The following DPP10 variants were observed in gnomAD, a reference collection of about 807,000 sequenced individuals.
DPP10 encodes dipeptidyl peptidase like 10, also known as inactive dipeptidyl peptidase 10.
In DPP10, 33 loss-of-function variants were observed where a neutral mutation model predicts 120.9. The ratio of observed to expected loss-of-function variants is 0.27; its 90% confidence interval spans 0.21 to 0.37. DPP10 has a LOEUF of 0.37. Ranked by LOEUF, DPP10 falls within the 10% of genes least tolerant of loss-of-function variation. The probability of loss-of-function intolerance (pLI) is 1.00; values close to 1 mark genes in which losing one functional copy is unlikely to be tolerated. For synonymous variants in DPP10, 337 were observed against 326.1 expected (o/e 1.03, Z -0.36); for missense variants, 816 against 942.8 (o/e 0.87, Z 1.76).
chr2:115,261,159 G>T (rs533800453), intron 1 of DPP10, among the ~76,000 whole-genome samples: 2 of 152,242 alleles, frequency 1.3e-5, no homozygotes, highest in African/African-American at 4.8e-5. Flanking sequence ...AACAAAAAAC[G>T]CAGAGCATGT....
At chr2:114,898,058 T>C (rs1446373822) in intron 1 of DPP10, among the ~76,000 whole-genome samples, 1 of 152,208 alleles carries the variant, frequency 6.6e-6, no homozygotes, top group East Asian at 1.9e-4. Flanking sequence ...CGTATGTTTA[T>C]TGAGGCACTA....
intron 15 of DPP10, among the ~76,000 whole-genome samples, chr2:115,780,655 C>T (rs1330017636): frequency 7.3e-5 from 11 of 151,616 alleles, no homozygotes; most frequent in African/African-American, 1.9e-4. Context: ...TAAAATAATA[C>T]ATAATTTTAA....
intron 1 of DPP10, among the ~76,000 whole-genome samples, chr2:115,265,595 G>C (rs1451466130): frequency 2.0e-5 from 3 of 151,850 alleles, no homozygotes; most frequent in African/African-American, 7.3e-5. Context: ...ATTTCATTGG[G>C]GGTGAGTGTT....
At chr2:115,174,110 G>A (rs866521595) in intron 1 of DPP10, among the ~76,000 whole-genome samples, 6 of 152,282 alleles carry the variant, frequency 3.9e-5, no homozygotes, top group South Asian at 4.1e-4. Flanking sequence ...AAGATGTATT[G>A]TATAGATTCT....
intron 3 of DPP10, among the ~76,000 whole-genome samples, chr2:115,435,811 G>T (rs1319700110): frequency 2.0e-5 from 3 of 151,806 alleles, no homozygotes; most frequent in Non-Finnish European, 2.9e-5. Flanking sequence ...TCTTCTAGTA[G>T]TTTCATATGT....
intron 1 of DPP10, among the ~76,000 whole-genome samples, chr2:114,775,271 A>G (rs1421239597): frequency 6.6e-6 from 1 of 152,190 alleles, no homozygotes; most frequent in Non-Finnish European, 1.5e-5. Context: ...AGTAGTAAGT[A>G]CAATATCCCA....
intron 1 of DPP10, among the ~76,000 whole-genome samples, chr2:114,681,173 T>C (rs1699003168): frequency 6.6e-6 from 1 of 151,998 alleles, no homozygotes; most frequent in Non-Finnish European, 1.5e-5. Flanking sequence ...TAGCCTATCA[T>C]GTTGCTTACT....
chr2:115,150,793 A>T (rs1471225437), intron 1 of DPP10, among the ~76,000 whole-genome samples: 1 of 152,244 alleles, frequency 6.6e-6, no homozygotes, highest in Non-Finnish European at 1.5e-5. Flanking sequence ...TACATACTGG[A>T]TATTGGAAAT....
chr2:115,367,281 CTT>C (rs1317163434), intron 3 of DPP10, among the ~76,000 whole-genome samples: 1 of 151,732 alleles, frequency 6.6e-6, no homozygotes, highest in Non-Finnish European at 1.5e-5. Context: ...TTTTAAACTA[CTT>C]TTTGGCAACA....
At chr2:115,535,712 C>T (rs1283417058) in intron 5 of DPP10, among the ~76,000 whole-genome samples, 2 of 151,052 alleles carry the variant, frequency 1.3e-5, no homozygotes, top group Admixed American at 6.6e-5. Flanking sequence ...GCAGTATGGC[C>T]ATTTTCACGA....
intron 1 of DPP10, among the ~76,000 whole-genome samples, chr2:114,822,902 T>C (rs1218878742): frequency 1.3e-5 from 2 of 152,190 alleles, no homozygotes; most frequent in South Asian, 2.1e-4. Flanking sequence ...GACTTTACTG[T>C]TCATATCTCT....
chr2:115,389,276 C>CA (rs1491310900), intron 3 of DPP10, among the ~76,000 whole-genome samples: 1 of 76,110 alleles, frequency 1.3e-5, no homozygotes, highest in Admixed American at 1.6e-4. Context: ...CACACACACA[C>CA]AAACACACAC....
At chr2:115,440,414 T>G (rs550474479) in intron 3 of DPP10, among the ~76,000 whole-genome samples, 17 of 151,982 alleles carry the variant, frequency 1.1e-4, no homozygotes, top group African/African-American at 3.6e-4. Context: ...ATTCCTTTTT[T>G]GTCTGTGTTT....
At chr2:114,582,639 C>T (rs1026961208) in intron 1 of DPP10, among the ~76,000 whole-genome samples, 10 of 152,128 alleles carry the variant, frequency 6.6e-5, no homozygotes, top group Admixed American at 2.0e-4. Context: ...CATTCTAGTG[C>T]GTATGTAGTA....
intron 1 of DPP10, among the ~76,000 whole-genome samples, chr2:115,191,937 G>A (rs931103233): frequency 2.6e-5 from 4 of 152,210 alleles, no homozygotes; most frequent in African/African-American, 7.2e-5. Flanking sequence ...CGGGAGATCA[G>A]TAGTAGAATG....
At chr2:115,820,777 GC>G in intron 21 of DPP10, among the ~76,000 whole-genome samples, 1 of 148,516 alleles carries the variant, frequency 6.7e-6, no homozygotes, top group South Asian at 2.1e-4. Context: ...CCTTTTTATG[GC>G]TGAGTAGTAT....
chr2:115,392,198 T>C (rs984320049), intron 3 of DPP10, among the ~76,000 whole-genome samples: 2 of 151,500 alleles, frequency 1.3e-5, no homozygotes, highest in African/African-American at 4.9e-5. Context: ...TTTTTTTTGA[T>C]TATTTTGTTT....
chr2:114,716,903 A>G (rs1701384798), intron 1 of DPP10, among the ~76,000 whole-genome samples: 1 of 152,232 alleles, frequency 6.6e-6, no homozygotes, highest in East Asian at 1.9e-4. Context: ...TATTGAAGAC[A>G]GTTGCCTACA....
intron 1 of DPP10, among the ~76,000 whole-genome samples, chr2:114,544,553 A>G (rs181349921): frequency 2.0e-5 from 3 of 152,302 alleles, no homozygotes; most frequent in Non-Finnish European, 4.4e-5. Context: ...TCTCTTTGTC[A>G]GCATTTGTTA....
Sources: gnomAD v4.1 joint callset for allele counts (sites outside exome capture counted in the v4.1 genomes callset) on GRCh38, gnomAD v4.1.1 for gene constraint, MANE v1.5 for transcripts, NCBI Gene and HGNC (gene_info 2026-07-23, HGNC 2026-07-21) for gene names.